BICD1: variants seen among roughly 807,000 people sequenced by gnomAD.
BICD1 encodes protein bicaudal D homolog 1.
A neutral mutation model predicts 92.5 loss-of-function variants in BICD1; 35 were observed. The observed-to-expected ratio is 0.38, with a 90% CI of 0.29 to 0.50. The LOEUF (loss-of-function observed/expected upper bound fraction) is 0.50. Among genes scored for constraint, BICD1 ranks in the 20% least tolerant of loss-of-function variants. The pLI, the probability that BICD1 is intolerant of heterozygous loss-of-function variation, is 0.93. For synonymous variants in BICD1, 429 were observed against 465.1 expected (o/e 0.92, Z 1.00); for missense variants, 950 against 1,189.8 (o/e 0.80, Z 2.97).
intron 1 of BICD1, among the ~76,000 whole-genome samples, chr12:32,171,491 A>G (rs553013906): frequency 1.3e-5 from 2 of 152,314 alleles, no homozygotes; most frequent in East Asian, 3.9e-4. Context: ...GTCTGCAGAC[A>G]CAGCCTTCAG....
intron 2 of BICD1, among the ~76,000 whole-genome samples, chr12:32,220,888 T>C (rs564462837): frequency 5.9e-4 from 82 of 139,804 alleles, no homozygotes; most frequent in Middle Eastern, 3.5e-3. Context: ...ATGTGGCACA[T>C]ATACACCATG....
rs185639818 is a variant in BICD1, at chr12:32,122,195, C to T, written c.213+14651C>T. Among the ~76,000 whole-genome samples, 415 of 151,726 alleles carry T rather than the reference C, an allele frequency of 2.7e-3. 2 individuals are homozygous for T. The highest frequency in any genetic ancestry group is 9.8e-3 in the African/African-American group (404 of 41,384). On this transcript the variant is annotated intron_variant, in intron 1 of 9. Coordinates refer to ENST00000652176, the MANE Select transcript of BICD1 (RefSeq NM_001714.4). Reference sequence around the variant, plus strand: ...GGCGCGCTGGCTCACACCTGTAATCCCAGCACTTTGGGAGGCCGAGGTGGG... The same window carrying T: ...GGCGCGCTGGCTCACACCTGTAATCTCAGCACTTTGGGAGGCCGAGGTGGG...
At chr12:32,166,323 A>G (rs1592403576) in intron 1 of BICD1, among the ~76,000 whole-genome samples, 2 of 151,548 alleles carry the variant, frequency 1.3e-5, no homozygotes, top group South Asian at 4.2e-4. Context: ...TTTAGTAAAG[A>G]CGGGGTTTCA....
intron 1 of BICD1, among the ~76,000 whole-genome samples, chr12:32,140,670 ATTT>A (rs1942886001): frequency 2.0e-5 from 3 of 152,132 alleles, no homozygotes; most frequent in Non-Finnish European, 4.4e-5. Flanking sequence ...CGCGCACCGT[ATTT>A]GATTCTGTGT....
Position 32,337,405 on chromosome 12 carries a change from CT to C in BICD1, c.2253-93del. The C allele has an allele frequency of 8.3e-7, 1 of 1,209,706 alleles. No individual in the cohort carries two copies. The highest frequency in any genetic ancestry group is 1.2e-6 in the Non-Finnish European group (1 of 859,166). The allele number at this position is 1,209,706 out of a possible 1,614,324, so 74.9% of individuals were successfully genotyped here. On this transcript the variant is annotated intron_variant, in intron 6 of 9. Transcript: ENST00000652176. This position sits in a 1 kb window ranked among gnomAD's most constrained non-coding sequence, Gnocchi z 4.7. The stretch of plus-strand genomic sequence containing the variant: ...ACCTTTAAACCAGTCTTCTAAATTT[CT>C]AAATTTCGGTCAAATTTATTACTTT...
At chr12:32,256,612 A>T (rs1367876504) in intron 2 of BICD1, among the ~76,000 whole-genome samples, 2 of 152,332 alleles carry the variant, frequency 1.3e-5, no homozygotes, top group Middle Eastern at 3.4e-3. Flanking sequence ...AATAGATAAG[A>T]AGGAAAATTG....
chr12:32,252,135 T>TATAATATATATTTATAATAAA (rs1490091347), intron 2 of BICD1, among the ~76,000 whole-genome samples: 2 of 62,548 alleles, frequency 3.2e-5, no homozygotes, highest in East Asian at 5.5e-4. Flanking sequence ...ATAATAAATA[T>TATAATATATATTTATAATAAA]TATATATTAT....
rs1175110818 is a variant in BICD1 at position 32,106,938 on chromosome 12, C to T, written c.-394C>T. On this transcript the variant is annotated 5_prime_UTR_variant, in exon 1 of 10. Coordinates refer to ENST00000652176, the MANE Select transcript of BICD1 (RefSeq NM_001714.4). Reference sequence around the variant, plus strand: ...GGAGCGCGCCAGACCCAGGGCGAGACTGCAGTGACGCGGCCCGGGAGACAT... The same window carrying T: ...GGAGCGCGCCAGACCCAGGGCGAGATTGCAGTGACGCGGCCCGGGAGACAT... 1 of 211,200 alleles carries T rather than the reference C, an allele frequency of 4.7e-6. No homozygotes were observed. 13.1% of individuals were successfully genotyped at this position (211,200 alleles called of 1,614,324 possible).
chr12:32,232,314 T>G (rs1269370049), intron 2 of BICD1, among the ~76,000 whole-genome samples: 1 of 151,176 alleles, frequency 6.6e-6, no homozygotes, highest in East Asian at 1.9e-4. Context: ...ACTGTGGTTT[T>G]GATTTGCATT....
chr12:32,360,695 G>C (rs1939292331), intron 8 of BICD1, among the ~76,000 whole-genome samples: 1 of 152,038 alleles, frequency 6.6e-6, no homozygotes, highest in African/African-American at 2.4e-5. Context: ...TAATTGTGTA[G>C]ACTCATAACT....
At chr12:32,374,276 T>C (rs1034862177) in intron 9 of BICD1, among the ~76,000 whole-genome samples, 2 of 151,986 alleles carry the variant, frequency 1.3e-5, no homozygotes, top group African/African-American at 4.8e-5. Flanking sequence ...AATGTGACGA[T>C]TCTGCATTAC....
At chr12:32,208,716 A>C (rs1945130527) in intron 1 of BICD1, among the ~76,000 whole-genome samples, 1 of 152,214 alleles carries the variant, frequency 6.6e-6, no homozygotes, top group African/African-American at 2.4e-5. Flanking sequence ...TGGAATATGC[A>C]GCAGTAGTTT....
chr12:32,337,632 G>A lies in BICD1; in HGVS notation c.2386G>A (p.Asp796Asn). The A allele has an allele frequency of 6.2e-7, 1 of 1,614,170 alleles. No homozygotes were observed. The highest frequency in any genetic ancestry group is 8.5e-7 in the Non-Finnish European group (1 of 1,180,028). ...QKLALTQRLE[D>N]LEFDHEQSRR... ...ACTCGCCCTGACCCAGAGGCTGGAGGACTTAGAGTTTGACCATGAGCAGTC... is the reference window on the plus strand; with the variant it reads ...ACTCGCCCTGACCCAGAGGCTGGAGAACTTAGAGTTTGACCATGAGCAGTC... Residue 796 changes from aspartate (D) to asparagine (N), a missense_variant, in exon 7 of 10, where the codon GAC (aspartate) becomes AAC (asparagine). Transcript: ENST00000652176. This position sits in a 1 kb window ranked among gnomAD's most constrained non-coding sequence, Gnocchi z 4.7.
intron 1 of BICD1, among the ~76,000 whole-genome samples, chr12:32,185,015 A>G (rs1284564643): frequency 1.3e-5 from 2 of 152,178 alleles, no homozygotes; most frequent in Non-Finnish European, 2.9e-5. Flanking sequence ...TACCTGGACC[A>G]ATAGTACCAG....
intron 8 of BICD1, among the ~76,000 whole-genome samples, chr12:32,343,586 T>A (rs1245364039): frequency 6.6e-6 from 1 of 152,168 alleles, no homozygotes; most frequent in Non-Finnish European, 1.5e-5. Context: ...ACACTGTGTT[T>A]CCCATGTCAC....
intron 2 of BICD1, among the ~76,000 whole-genome samples, chr12:32,293,319 T>C (rs934764378): frequency 1.3e-5 from 2 of 152,056 alleles, no homozygotes; most frequent in African/African-American, 2.4e-5. Context: ...TTCTCCTCAT[T>C]CTTTTTTTCT....
At chr12:32,204,924 T>C (rs1429070191) in intron 1 of BICD1, among the ~76,000 whole-genome samples, 1 of 152,208 alleles carries the variant, frequency 6.6e-6, no homozygotes, top group African/African-American at 2.4e-5. Context: ...TATGCGAAGC[T>C]GGATTTTCAG....
intron 1 of BICD1, among the ~76,000 whole-genome samples, chr12:32,139,700 A>ACTAC (rs1460025200): frequency 1.3e-5 from 2 of 152,004 alleles, no homozygotes; most frequent in Non-Finnish European, 2.9e-5. Flanking sequence ...AGTAGCTGGG[A>ACTAC]CTACAGACAA....
chr12:32,263,892 C>T (rs1365634733), intron 2 of BICD1, among the ~76,000 whole-genome samples: 2 of 152,106 alleles, frequency 1.3e-5, no homozygotes, highest in African/African-American at 4.8e-5. Flanking sequence ...GTAGGGCCTC[C>T]AATAAATGCT....
Sources: allele counts gnomAD v4.1 joint callset (sites outside exome capture counted in the v4.1 genomes callset), GRCh38; gene constraint gnomAD v4.1.1; non-coding constraint Gnocchi (gnomAD v3.1); transcripts MANE v1.5; gene names NCBI Gene and HGNC (gene_info 2026-07-23, HGNC 2026-07-21).